POLE: variants seen among roughly 807,000 people sequenced by gnomAD.
The protein encoded by POLE is DNA polymerase epsilon catalytic subunit A.
Under a neutral mutation model 279.2 loss-of-function variants are expected in POLE, and 188 were observed. The observed-to-expected ratio is 0.67, with a 90% CI of 0.60 to 0.76. POLE has a LOEUF of 0.76. POLE is among the 30% of genes least tolerant of loss of function. POLE has a pLI of 0.00. For synonymous variants in POLE, 1,214 were observed against 1,172.5 expected, an observed-to-expected ratio of 1.04 and a Z score of -0.72; for missense variants, 2,703 against 3,016.7, an observed-to-expected ratio of 0.90 and a Z score of 2.44.
intron 3 of POLE, 57 bp downstream of exon 3, chr12:132,680,550 A>G (rs2043144437): frequency 2.2e-6 from 3 of 1,344,078 alleles, no homozygotes; most frequent in South Asian, 1.2e-5. Context: ...TGACAGTCAC[A>G]GAGCTACATG....
At chr12:132,667,451 C>T (rs944911277) in intron 20 of POLE, 52 bp downstream of exon 20, 29 of 1,594,298 alleles carry the variant, frequency 1.8e-5, no homozygotes, top group Admixed American at 5.0e-5. Context: ...CTTCATGAGC[C>T]GACTGAAACT....
Position 132,668,709 on chromosome 12 carries a change from C to T in POLE, c.1952G>A (p.Cys651Tyr), listed in dbSNP as rs1060500877. The T allele has an allele frequency of 6.2e-7, 1 of 1,614,090 alleles. No homozygotes were observed. Among genetic ancestry groups the T allele is most frequent in the East Asian group, 2.2e-5 (1 of 44,886 alleles). ...QPSAMVDEAT[C>Y]AACDFNKPGA... Reference sequence around the variant, plus strand: ...AGGCTTATTGAAGTCACAGGCAGCACAGGTGGCTTCGTCCACCATGGCAGA... The same window carrying T: ...AGGCTTATTGAAGTCACAGGCAGCATAGGTGGCTTCGTCCACCATGGCAGA... Residue 651 changes from cysteine (C) to tyrosine (Y), a missense_variant, in exon 18 of 49, where the codon TGT becomes TAT. Around this residue, in one of 5 missense-constraint regions of POLE, gnomAD observed 1,011 missense variants for 1,111.7 expected, o/e 0.91. Coordinates refer to ENST00000320574, the MANE Select transcript of POLE (RefSeq NM_006231.4). The surrounding 1 kb of genome is among the most constrained non-coding windows in gnomAD (Gnocchi z 4.0).
chr12:132,680,147 C>T (rs1272733080), intron 4 of POLE, 31 bp downstream of exon 4: 2 of 1,610,384 alleles, frequency 1.2e-6, no homozygotes, highest in Non-Finnish European at 1.7e-6. Context: ...ACACACAGGT[C>T]GTCTGACCTG....
chr12:132,631,608 G>A (rs2041934649), intron 45 of POLE, among the ~76,000 whole-genome samples: 1 of 152,114 alleles, frequency 6.6e-6, no homozygotes, highest in Admixed American at 6.6e-5. Flanking sequence ...GAAGCACTCT[G>A]CTCTGTAAGG....
At chr12:132,676,726 C>G (rs2043064167) in intron 8 of POLE, 73 bp from the exon 9 acceptor site, 1 of 850,282 alleles carries the variant, frequency 1.2e-6, no homozygotes, top group Admixed American at 1.9e-5. Context: ...CCACCCCCAG[C>G]CTGCTCTACC....
At chr12:132,676,720 C>T in intron 8 of POLE, 67 bp from the exon 9 acceptor site, 1 of 940,490 alleles carries the variant, frequency 1.1e-6, no homozygotes, top group Non-Finnish European at 1.7e-6. Flanking sequence ...GAACACCCAC[C>T]CCCAGCCTGC....
At chr12:132,656,021 A>T (rs2042527130) in intron 29 of POLE, among the ~76,000 whole-genome samples, 2 of 152,106 alleles carry the variant, frequency 1.3e-5, no homozygotes, top group African/African-American at 4.8e-5. Flanking sequence ...AAAAAAAATT[A>T]AAAAAATAAA....
At position 132,638,118 on chromosome 12, in the gene POLE, G is replaced by A. The variant is rs1259596580; in HGVS notation, c.5574C>T (p.Arg1858=). 1 of 1,613,960 alleles carries A rather than the reference G, an allele frequency of 6.2e-7. No individual in the cohort carries two copies. Among genetic ancestry groups the A allele is most frequent in the Non-Finnish European group, 8.5e-7 (1 of 1,179,972 alleles). Reference sequence around the variant, plus strand: ...TGGCGTAGATGACTGATGACCCCAGGCGCTTGAACTCAGCGATGAGCCTGT... The same window carrying A: ...TGGCGTAGATGACTGATGACCCCAGACGCTTGAACTCAGCGATGAGCCTGT... ...LFLQLIAEFK[R]LGSSVIYANF... is the part of the protein sequence containing the mutation. The change falls in exon 41 of 49, where the codon CGC becomes CGT. Residue 1858 remains arginine (R), a synonymous_variant. Coordinates refer to ENST00000320574, the MANE Select transcript of POLE (RefSeq NM_006231.4).
chr12:132,652,176 TCA>T (rs568325921), intron 29 of POLE, among the ~76,000 whole-genome samples: 3 of 152,272 alleles, frequency 2.0e-5, no homozygotes, highest in Non-Finnish European at 4.4e-5. Context: ...GCCTTTCTTG[TCA>T]CAGACTACAC....
At chr12:132,647,160 G>A (rs1486781549) in intron 32 of POLE, among the ~76,000 whole-genome samples, 1 of 152,112 alleles carries the variant, frequency 6.6e-6, no homozygotes, top group African/African-American at 2.4e-5. Context: ...TGTGTGTTGG[G>A]CGGGATTTGG....
intron 45 of POLE, among the ~76,000 whole-genome samples, chr12:132,626,999 C>T (rs938879987): frequency 2.6e-5 from 4 of 152,168 alleles, no homozygotes; most frequent in African/African-American, 4.8e-5. Context: ...ATAAAAGTTA[C>T]GTGATTTGTG....
At chr12:132,625,334 C>T (rs756447247) in intron 47 of POLE, 12 of 725,870 alleles carry the variant, frequency 1.7e-5, no homozygotes, top group African/African-American at 5.1e-5. Flanking sequence ...AGATGCCCCT[C>T]GGCAAGACCT....
chr12:132,653,756 T>A (rs111527781), intron 29 of POLE, among the ~76,000 whole-genome samples: 1,959 of 152,358 alleles, frequency 0.013, 49 homozygotes, highest in African/African-American at 0.044. Context: ...CTTACTTCAA[T>A]GCTTCCAGTG....
At chr12:132,655,048 G>T (rs1361030721) in intron 29 of POLE, among the ~76,000 whole-genome samples, 2 of 152,164 alleles carry the variant, frequency 1.3e-5, no homozygotes, top group Non-Finnish European at 2.9e-5. Context: ...AGGACTATAG[G>T]TGTGCACCAC....
chr12:132,669,426 T>G (rs775996608), intron 16 of POLE, among the ~76,000 whole-genome samples: 1 of 150,954 alleles, frequency 6.6e-6, no homozygotes, highest in Non-Finnish European at 1.5e-5. Flanking sequence ...ATTGCACCAC[T>G]GCACTCCAGC....
chr12:132,641,480 TGGTAA>T, intron 39 of POLE, 162 bp downstream of exon 39: 1 of 629,664 alleles, frequency 1.6e-6, no homozygotes, highest in Non-Finnish European at 2.8e-6. Context: ...ACCCCCACAG[TGGTAA>T]AGACAATAGA....
chr12:132,641,436 C>A (rs1399381585), intron 39 of POLE: 8 of 590,024 alleles, frequency 1.4e-5, no homozygotes, highest in African/African-American at 1.3e-4. Context: ...AGGTCAGAGG[C>A]AGCACACTGA....
In POLE at chr12:132,664,084, A is replaced by G. The variant is rs1208731306; in HGVS notation, c.2626T>C (p.Phe876Leu). ...CVLPNSFPEN[F>L]VFKTTNVKKP... ...TTCACATTGGTCGTCTTGAAGACAAAATTTTCTGGGAAGCTGTTGGGCAGG... is the reference window on the plus strand; with the variant it reads ...TTCACATTGGTCGTCTTGAAGACAAGATTTTCTGGGAAGCTGTTGGGCAGG... The change falls in exon 23 of 49, where the codon TTT becomes CTT. Residue 876 changes from phenylalanine to leucine, a missense_variant. Coordinates refer to ENST00000320574, the MANE Select transcript of POLE (RefSeq NM_006231.4). This position sits in a 1 kb window ranked among gnomAD's most constrained non-coding sequence, Gnocchi z 5.3. 6.2e-7 allele frequency: 1 copy of G among 1,614,164 alleles called. No individual in the cohort carries two copies. The highest frequency in any genetic ancestry group is 8.5e-7 in the Non-Finnish European group (1 of 1,180,028).
chr12:132,641,934 C>T (rs1035007493), intron 38 of POLE, 83 bp from the exon 39 acceptor site: 13 of 1,340,980 alleles, frequency 9.7e-6, no homozygotes, highest in Non-Finnish European at 1.4e-5. Context: ...CAGCCACCAC[C>T]ACCTCCAGAA....
Sources: gnomAD v4.1 joint callset for allele counts (sites outside exome capture counted in the v4.1 genomes callset) on GRCh38, gnomAD v4.1.1 for gene constraint, gnomAD v4.1.1 regional missense constraint, Gnocchi (gnomAD v3.1) non-coding constraint, MANE v1.5 for transcripts, NCBI Gene and HGNC (gene_info 2026-07-23, HGNC 2026-07-21) for gene names.